TAPT1: variants seen among roughly 807,000 people sequenced by gnomAD.
TAPT1 encodes transmembrane anterior posterior transformation protein 1 homolog.
TAPT1 carries 28 observed loss-of-function variants against 65.6 expected under a neutral mutation model. The observed-to-expected ratio is 0.43, with a 90% CI of 0.32 to 0.59. TAPT1 has a LOEUF of 0.59. TAPT1 is among the 20% of genes least tolerant of loss of function. The pLI is 0.09. For missense variants in TAPT1, 563 were observed against 679.9 expected (o/e 0.83, Z 1.91); for synonymous variants, 278 against 245.2 (o/e 1.13, Z -1.25).
At chr4:16,204,647 C>T (rs28537328) in intron 2 of TAPT1, among the ~76,000 whole-genome samples, 18,822 of 152,274 alleles carry the variant, frequency 0.12, 3,723 homozygotes, top group African/African-American at 0.42. Flanking sequence ...TTCTGGGCAA[C>T]GCAACCGGGC....
intron 12 of TAPT1, among the ~76,000 whole-genome samples, chr4:16,169,206 G>A (rs1321822073): frequency 6.6e-6 from 1 of 152,232 alleles, no homozygotes; most frequent in Non-Finnish European, 1.5e-5. Context: ...GAGGCGACAT[G>A]GGAGGCTGGG....
At chr4:16,220,387 A>G (rs1213889208) in intron 1 of TAPT1, among the ~76,000 whole-genome samples, 4 of 152,224 alleles carry the variant, frequency 2.6e-5, no homozygotes, top group African/African-American at 9.6e-5. Context: ...CCAATAATCC[A>G]AATATTTACT....
At chr4:16,204,025 T>C (rs1319906543) in intron 2 of TAPT1, among the ~76,000 whole-genome samples, 1 of 152,218 alleles carries the variant, frequency 6.6e-6, no homozygotes, top group Non-Finnish European at 1.5e-5. Context: ...GTTGCATGTT[T>C]TCTTGTCTTA....
intron 2 of TAPT1, among the ~76,000 whole-genome samples, chr4:16,206,579 C>T (rs1235314498): frequency 6.6e-6 from 1 of 151,956 alleles, no homozygotes; most frequent in Non-Finnish European, 1.5e-5. Context: ...GATCCTACAC[C>T]TTCTATCTAG....
chr4:16,197,244 C>T (rs1163822149), intron 3 of TAPT1, among the ~76,000 whole-genome samples: 2 of 152,138 alleles, frequency 1.3e-5, no homozygotes, highest in Non-Finnish European at 2.9e-5. Context: ...TGCCTAAAGC[C>T]GGGCCAGGGG....
intron 2 of TAPT1, among the ~76,000 whole-genome samples, chr4:16,204,233 C>T (rs919066276): frequency 6.6e-6 from 1 of 152,224 alleles, no homozygotes; most frequent in African/African-American, 2.4e-5. Context: ...GCAACTCAGT[C>T]TGAAAATCAG....
intron 8 of TAPT1, among the ~76,000 whole-genome samples, chr4:16,178,295 T>C (rs1748474926): frequency 6.6e-6 from 1 of 152,222 alleles, no homozygotes; most frequent in Non-Finnish European, 1.5e-5. Context: ...ATGGTTTCTC[T>C]ATGAAAAAAA....
chr4:16,163,582 A>G, intron 13 of TAPT1, 45 bp from the exon 14 acceptor site: 2 of 1,447,630 alleles, frequency 1.4e-6, no homozygotes, highest in Admixed American at 2.0e-5. Context: ...ACTTTTCTCC[A>G]ATTATTAATA....
At chr4:16,180,852 C>T (rs751591975) in intron 7 of TAPT1, among the ~76,000 whole-genome samples, 2 of 152,140 alleles carry the variant, frequency 1.3e-5, no homozygotes, top group Admixed American at 6.5e-5. Flanking sequence ...CCTCAAAGCC[C>T]AGTGGGCACT....
At chr4:16,181,755 A>G (rs1429767393) in intron 7 of TAPT1, among the ~76,000 whole-genome samples, 1 of 152,152 alleles carries the variant, frequency 6.6e-6, no homozygotes, top group Non-Finnish European at 1.5e-5. Context: ...TTTAGCAGAG[A>G]CAGGGTTTCA....
At chr4:16,201,568 C>T (rs796367295) in intron 3 of TAPT1, among the ~76,000 whole-genome samples, 9 of 152,260 alleles carry the variant, frequency 5.9e-5, no homozygotes, top group African/African-American at 2.2e-4. Context: ...AGAGTGGAGA[C>T]ACACCGGCAT....
chr4:16,199,787 C>T (rs1444659590), intron 3 of TAPT1, among the ~76,000 whole-genome samples: 3 of 152,042 alleles, frequency 2.0e-5, no homozygotes, highest in Admixed American at 6.6e-5. Flanking sequence ...GACAGGGTCT[C>T]GCTATGTTGC....
chr4:16,166,586 A>G, intron 13 of TAPT1, 47 bp downstream of exon 13: 3 of 1,596,872 alleles, frequency 1.9e-6, no homozygotes, highest in Non-Finnish European at 2.6e-6. Context: ...CTGTGATTTA[A>G]CTCTTTGAAA....
chr4:16,182,500 C>A (rs1459103976), intron 7 of TAPT1, among the ~76,000 whole-genome samples: 1 of 152,128 alleles, frequency 6.6e-6, no homozygotes, highest in Non-Finnish European at 1.5e-5. Context: ...TGCTATATTA[C>A]CACTAACAGG....
chr4:16,170,199 CA>C (rs1454342178), intron 12 of TAPT1, among the ~76,000 whole-genome samples: 1 of 152,220 alleles, frequency 6.6e-6, no homozygotes, highest in Non-Finnish European at 1.5e-5. Flanking sequence ...ATGAGACCAA[CA>C]AACCTGCAGA....
chr4:16,170,861 T>C (rs1275839617), intron 11 of TAPT1, 132 bp from the exon 12 acceptor site: 2 of 636,892 alleles, frequency 3.1e-6, no homozygotes, highest in Non-Finnish European at 5.4e-6. Flanking sequence ...GGCCTTTGTC[T>C]AAAAATCCAA....
In TAPT1 at chr4:16,188,356, C is replaced by T; in HGVS notation, c.613-1G>A. 2 of 1,558,750 alleles carry T rather than the reference C, an allele frequency of 1.3e-6. No homozygotes were observed. Among genetic ancestry groups the T allele is most frequent in the Non-Finnish European group, 8.6e-7 (1 of 1,159,544 alleles). On this transcript the variant is annotated splice_acceptor_variant, in intron 4 of 13. Transcript: ENST00000405303. LOFTEE classifies it high-confidence loss of function. Reference sequence around the variant, plus strand: ...AAGATGAAAACAGACGATCAGCTACCTAAAAAAAAAAATTATTTGTAAGAT... The same window carrying T: ...AAGATGAAAACAGACGATCAGCTACTTAAAAAAAAAAATTATTTGTAAGAT...
intron 12 of TAPT1, among the ~76,000 whole-genome samples, chr4:16,169,665 CGCT>C (rs1747865659): frequency 1.3e-5 from 2 of 152,212 alleles, no homozygotes; most frequent in Admixed American, 1.3e-4. Context: ...GGCCTGAGCC[CGCT>C]ACTGCAGGAG....
chr4:16,195,505 A>G (rs1310769826), intron 3 of TAPT1, among the ~76,000 whole-genome samples: 1 of 152,246 alleles, frequency 6.6e-6, no homozygotes, highest in Non-Finnish European at 1.5e-5. Context: ...ATATTACATC[A>G]GGTATTTAAC....
Sources: allele counts gnomAD v4.1 joint callset (sites outside exome capture counted in the v4.1 genomes callset), GRCh38; gene constraint gnomAD v4.1.1; transcripts MANE v1.5; gene names NCBI Gene and HGNC (gene_info 2026-07-23, HGNC 2026-07-21).